The following MACROD2 variants were observed in gnomAD, a reference collection of about 807,000 sequenced individuals.
MACROD2 encodes ADP-ribose glycohydrolase MACROD2.
A neutral mutation model predicts 70.4 loss-of-function variants in MACROD2; 36 were observed. That is an observed-to-expected ratio of 0.51 (90% CI 0.39 to 0.68). The LOEUF (loss-of-function observed/expected upper bound fraction) is 0.68, where lower values mean the gene tolerates loss of function less well. Ranked by LOEUF, MACROD2 falls within the 30% of genes least tolerant of loss-of-function variation. MACROD2 has a pLI of 0.00. For synonymous variants in MACROD2, 172 were observed against 178.8 expected, an observed-to-expected ratio of 0.96 and a Z score of 0.30; for missense variants, 496 against 538.4, an observed-to-expected ratio of 0.92 and a Z score of 0.78.
chr20:15,369,335 G>T (rs1362096018), intron 6 of MACROD2, among the ~76,000 whole-genome samples: 1 of 152,110 alleles, frequency 6.6e-6, no homozygotes, highest in Admixed American at 6.6e-5. Flanking sequence ...CAGTTCAAAG[G>T]TTAGTGGGAA....
chr20:15,712,140 C>T (rs1332402974), intron 8 of MACROD2, among the ~76,000 whole-genome samples: 1 of 152,214 alleles, frequency 6.6e-6, no homozygotes, highest in Non-Finnish European at 1.5e-5. Context: ...TTCTAACTAA[C>T]ATATCTCCTT....
chr20:14,857,754 T>G (rs971130634), intron 5 of MACROD2, among the ~76,000 whole-genome samples: 3 of 152,202 alleles, frequency 2.0e-5, no homozygotes, highest in African/African-American at 7.2e-5. Context: ...ACATTAATAA[T>G]GAACAATTAA....
intron 6 of MACROD2, among the ~76,000 whole-genome samples, chr20:15,353,882 A>G (rs1202590420): frequency 8.4e-6 from 1 of 118,348 alleles, no homozygotes; most frequent in Non-Finnish European, 1.8e-5. Flanking sequence ...AGAAATAGGA[A>G]CACTTTTACA....
At chr20:14,621,269 A>G (rs535141020) in intron 4 of MACROD2, among the ~76,000 whole-genome samples, 1 of 152,238 alleles carries the variant, frequency 6.6e-6, no homozygotes, top group Non-Finnish European at 1.5e-5. Flanking sequence ...AATTCTTATT[A>G]GGGCTTCTCT....
At chr20:14,044,867 C>T (rs761923507) in intron 2 of MACROD2, among the ~76,000 whole-genome samples, 18 of 152,322 alleles carry the variant, frequency 1.2e-4, no homozygotes, top group East Asian at 1.2e-3. Context: ...GACTGGGTGC[C>T]GTAGAGCAGG....
At chr20:15,488,851 C>T (rs1395067706) in intron 7 of MACROD2, among the ~76,000 whole-genome samples, 1 of 152,208 alleles carries the variant, frequency 6.6e-6, no homozygotes, top group Non-Finnish European at 1.5e-5. Flanking sequence ...CTTTCATCTC[C>T]TGTCTCAGAA....
chr20:15,052,776 G>T (rs1210460326), intron 5 of MACROD2, among the ~76,000 whole-genome samples: 1 of 152,210 alleles, frequency 6.6e-6, no homozygotes, highest in African/African-American at 2.4e-5. Flanking sequence ...AGCTAGAAAT[G>T]ATTCGGCTTA....
intron 8 of MACROD2, among the ~76,000 whole-genome samples, chr20:15,665,012 G>A (rs2049878243): frequency 6.6e-6 from 1 of 152,182 alleles, no homozygotes; most frequent in Non-Finnish European, 1.5e-5. Flanking sequence ...GCATTATCTA[G>A]TTGGATTGCA....
chr20:14,056,975 A>T (rs1242270225), intron 2 of MACROD2, among the ~76,000 whole-genome samples: 7 of 152,010 alleles, frequency 4.6e-5, no homozygotes, highest in Non-Finnish European at 1.5e-5. Flanking sequence ...TGTGATTGAT[A>T]TCTTCATAAT....
At chr20:15,590,908 GAGGAAGGAAGGAAAGA>G (rs1007060757) in intron 8 of MACROD2, among the ~76,000 whole-genome samples, 4 of 147,174 alleles carry the variant, frequency 2.7e-5, no homozygotes, top group South Asian at 2.1e-4. Flanking sequence ...GAGAGAGAGA[GAGGAAGGAAGGAAAGA>G]AGGAAGGAAG....
chr20:15,982,461 T>C (rs182357241), intron 13 of MACROD2, among the ~76,000 whole-genome samples: 52 of 152,282 alleles, frequency 3.4e-4, no homozygotes, highest in Non-Finnish European at 7.4e-4. Context: ...GCTTCGGCCA[T>C]GTGTGGACCA....
intron 2 of MACROD2, among the ~76,000 whole-genome samples, chr20:14,037,644 TGG>T (rs34385323): frequency 6.6e-6 from 1 of 151,588 alleles, no homozygotes; most frequent in African/African-American, 2.4e-5. Flanking sequence ...TGTGTGTTGG[TGG>T]GGGGGGTAGT....
chr20:15,078,120 G>C (rs528126915), intron 5 of MACROD2, among the ~76,000 whole-genome samples: 1 of 152,116 alleles, frequency 6.6e-6, no homozygotes, highest in East Asian at 1.9e-4. Flanking sequence ...GGAGTTTATC[G>C]GGTCCTGGGG....
chr20:15,295,812 C>G (rs1300791826), intron 6 of MACROD2, among the ~76,000 whole-genome samples: 1 of 152,150 alleles, frequency 6.6e-6, no homozygotes, highest in African/African-American at 2.4e-5. Flanking sequence ...AGCTACAAGC[C>G]TGCCTTTCTT....
intron 5 of MACROD2, among the ~76,000 whole-genome samples, chr20:14,774,461 G>A (rs975311152): frequency 2.6e-5 from 4 of 152,032 alleles, no homozygotes; most frequent in Non-Finnish European, 2.9e-5. Context: ...ACACCAGTGA[G>A]TAAGGGAACA....
At chr20:15,820,715 C>T (rs1205825985) in intron 8 of MACROD2, among the ~76,000 whole-genome samples, 1 of 152,190 alleles carries the variant, frequency 6.6e-6, no homozygotes, top group African/African-American at 2.4e-5. Flanking sequence ...AAGAAAACCT[C>T]CCAGCAAGGA....
intron 2 of MACROD2, among the ~76,000 whole-genome samples, chr20:14,039,128 GT>G (rs1186292620): frequency 1.3e-5 from 2 of 152,118 alleles, no homozygotes; most frequent in Non-Finnish European, 2.9e-5. Flanking sequence ...ATTGGTGAGG[GT>G]GGAAATATTA....
intron 4 of MACROD2, among the ~76,000 whole-genome samples, chr20:14,652,201 A>G (rs569752975): frequency 6.6e-4 from 100 of 152,266 alleles, no homozygotes; most frequent in African/African-American, 2.3e-3. Flanking sequence ...GGGAATTCCT[A>G]TTCAGAGATT....
chr20:15,023,141 A>G (rs1440302259), intron 5 of MACROD2, among the ~76,000 whole-genome samples: 1 of 152,124 alleles, frequency 6.6e-6, no homozygotes. Flanking sequence ...TTCCAGTCTC[A>G]TGATGCCATC....
Sources: gnomAD v4.1 joint callset for allele counts (sites outside exome capture counted in the v4.1 genomes callset) on GRCh38, gnomAD v4.1.1 for gene constraint, MANE v1.5 for transcripts, NCBI Gene and HGNC (gene_info 2026-07-23, HGNC 2026-07-21) for gene names.